WWC2: variants seen among roughly 807,000 people sequenced by gnomAD.
WWC2 encodes the protein protein WWC2.
In WWC2, 101 loss-of-function variants were observed where a neutral mutation model predicts 138.5. That is an observed-to-expected ratio of 0.73 (90% CI 0.62 to 0.86). The LOEUF is 0.86. WWC2 is among the 40% of genes least tolerant of loss of function. The pLI is 0.00. For synonymous variants in WWC2, 558 were observed against 538.4 expected, an observed-to-expected ratio of 1.04 and a Z score of -0.50; for missense variants, 1,420 against 1,419.4, an observed-to-expected ratio of 1.00 and a Z score of -0.01.
chr4:183,305,430 T>TACAC (rs147023374), intron 21 of WWC2, among the ~76,000 whole-genome samples: 17 of 151,224 alleles, frequency 1.1e-4, no homozygotes, highest in African/African-American at 4.1e-4. Flanking sequence ...GCAAAATAAA[T>TACAC]ACACACACAC....
intron 11 of WWC2, 31 bp downstream of exon 11, chr4:183,261,563 CCT>C (rs1272874048): frequency 1.3e-6 from 2 of 1,575,380 alleles, no homozygotes; most frequent in Non-Finnish European, 1.7e-6. Flanking sequence ...TCATGTATTC[CCT>C]GTTAGTGATT....
chr4:183,284,126 GTC>G (rs1738166742), intron 18 of WWC2, 98 bp from the exon 19 acceptor site: 3 of 1,435,644 alleles, frequency 2.1e-6, no homozygotes, highest in Middle Eastern at 2.0e-4. Context: ...TGCTCCATGA[GTC>G]TCTGTTGTAA....
At chr4:183,231,604 C>T (rs921979076) in intron 4 of WWC2, among the ~76,000 whole-genome samples, 1 of 152,084 alleles carries the variant, frequency 6.6e-6, no homozygotes, top group Non-Finnish European at 1.5e-5. Context: ...AGCTTTTATT[C>T]ATGTTTTTAA....
At chr4:183,187,072 T>G (rs1734827308) in intron 1 of WWC2, among the ~76,000 whole-genome samples, 1 of 151,992 alleles carries the variant, frequency 6.6e-6, no homozygotes, top group South Asian at 2.1e-4. Flanking sequence ...AGTCCTAGGG[T>G]GACAAATTAG....
chr4:183,243,777 GTGTGTGTGTGTGTGCA>G (rs1166303545), intron 5 of WWC2, among the ~76,000 whole-genome samples: 8 of 148,242 alleles, frequency 5.4e-5, no homozygotes, highest in African/African-American at 2.0e-4. Flanking sequence ...GTGTGTGTGT[GTGTGTGTGTGTGTGCA>G]TGTGTTTAAT....
intron 4 of WWC2, among the ~76,000 whole-genome samples, chr4:183,233,032 T>TA (rs2111292746): frequency 6.6e-6 from 1 of 152,232 alleles, no homozygotes; most frequent in Non-Finnish European, 1.5e-5. Flanking sequence ...GCTGTGAACT[T>TA]ACATGTACAA....
intron 11 of WWC2, among the ~76,000 whole-genome samples, chr4:183,262,979 CAT>C (rs1325001082): frequency 6.6e-6 from 1 of 152,158 alleles, no homozygotes; most frequent in Non-Finnish European, 1.5e-5. Context: ...GCAGTGATAA[CAT>C]GTGAAGCACT....
chr4:183,206,831 C>T (rs1735461061), intron 2 of WWC2, among the ~76,000 whole-genome samples: 1 of 152,234 alleles, frequency 6.6e-6, no homozygotes, highest in Non-Finnish European at 1.5e-5. Context: ...CACTCCAACT[C>T]CTTGGCCCAA....
intron 17 of WWC2, 42 bp from the exon 18 acceptor site, chr4:183,282,666 A>G (rs1351320791): frequency 6.5e-7 from 1 of 1,545,390 alleles, no homozygotes; most frequent in Admixed American, 2.0e-5. Flanking sequence ...TTCATGGAGC[A>G]TGCCTGCCTA....
intron 21 of WWC2, among the ~76,000 whole-genome samples, chr4:183,296,729 C>T (rs994076470): frequency 4.0e-5 from 6 of 151,728 alleles, no homozygotes; most frequent in African/African-American, 1.2e-4. Flanking sequence ...GTCAGGAGAT[C>T]GAAACCACCC....
chr4:183,248,527 A>C (rs1022066980), intron 6 of WWC2, among the ~76,000 whole-genome samples, 187 bp from the exon 7 acceptor site: 1 of 152,226 alleles, frequency 6.6e-6, no homozygotes, highest in Non-Finnish European at 1.5e-5. Flanking sequence ...TTCCAAAGTC[A>C]CATGTATGGA....
chr4:183,265,257 C>T, intron 12 of WWC2, 150 bp downstream of exon 12: 3 of 1,137,228 alleles, frequency 2.6e-6, no homozygotes, highest in Non-Finnish European at 2.4e-6. Context: ...CTGAAAAGTT[C>T]AGTATATCAA....
At chr4:183,172,234 C>G (rs1734310158) in intron 1 of WWC2, among the ~76,000 whole-genome samples, 1 of 152,162 alleles carries the variant, frequency 6.6e-6, no homozygotes, top group South Asian at 2.1e-4. Flanking sequence ...CACTGTCATC[C>G]TATGGCCTCC....
At chr4:183,212,889 C>G (rs1212979357) in intron 4 of WWC2, among the ~76,000 whole-genome samples, 1 of 151,922 alleles carries the variant, frequency 6.6e-6, no homozygotes, top group African/African-American at 2.4e-5. Flanking sequence ...TATCAGAGGC[C>G]TATATTATAT....
At chr4:183,299,458 C>T (rs1738750269) in intron 21 of WWC2, among the ~76,000 whole-genome samples, 2 of 152,210 alleles carry the variant, frequency 1.3e-5, no homozygotes, top group African/African-American at 4.8e-5. Flanking sequence ...TGATTTGATT[C>T]TCCCTAGTGC....
At chr4:183,245,309 G>A in intron 5 of WWC2, 107 bp from the exon 6 acceptor site, 3 of 976,252 alleles carry the variant, frequency 3.1e-6, no homozygotes, top group South Asian at 2.7e-5. Context: ...ACAGTCAGCA[G>A]TGAAATAATC....
chr4:183,217,156 C>G (rs1245419934), intron 4 of WWC2, among the ~76,000 whole-genome samples: 1 of 152,098 alleles, frequency 6.6e-6, no homozygotes, highest in Non-Finnish European at 1.5e-5. Context: ...GTCCAGGATC[C>G]TTTAAGATAA....
chr4:183,125,771 G>C (rs1270582672), intron 1 of WWC2, among the ~76,000 whole-genome samples: 1 of 152,176 alleles, frequency 6.6e-6, no homozygotes, highest in Non-Finnish European at 1.5e-5. Context: ...TGTTCCAGAA[G>C]AATTCATGCT....
At chr4:183,118,000 A>G (rs1246646018) in intron 1 of WWC2, among the ~76,000 whole-genome samples, 1 of 149,138 alleles carries the variant, frequency 6.7e-6, no homozygotes, top group Non-Finnish European at 1.5e-5. Flanking sequence ...GGGTTTCGCC[A>G]TGTTGGCCAG....
Sources: gnomAD v4.1 joint callset for allele counts (sites outside exome capture counted in the v4.1 genomes callset) on GRCh38, gnomAD v4.1.1 for gene constraint, MANE v1.5 for transcripts, NCBI Gene and HGNC (gene_info 2026-07-23, HGNC 2026-07-21) for gene names.